Variants in TIGD4 observed in about 807,000 individuals in gnomAD.
The protein encoded by TIGD4 is tigger transposable element-derived protein 4.
In TIGD4, 20 loss-of-function variants were observed where a neutral mutation model predicts 24.9. The ratio of observed to expected loss-of-function variants is 0.80; its 90% CI spans 0.56 to 1.17. The LOEUF (loss-of-function observed/expected upper bound fraction) is 1.17. Among genes scored for constraint, TIGD4 ranks in the 50% most tolerant of loss-of-function variants. TIGD4 has a pLI of 0.00. For synonymous variants in TIGD4, 193 were observed against 211.0 expected, an observed-to-expected ratio of 0.91 and a Z score of 0.74; for missense variants, 566 against 591.0, an observed-to-expected ratio of 0.96 and a Z score of 0.44.
At chr4:152,775,072 C>G (rs1006866846) in intron 1 of TIGD4, among the ~76,000 whole-genome samples, 1 of 152,046 alleles carries the variant, frequency 6.6e-6, no homozygotes, top group South Asian at 2.1e-4. Context: ...TGTGCCACCA[C>G]GTCTGGCTAA....
chr4:152,778,137 C>A (rs367668806), intron 1 of TIGD4, among the ~76,000 whole-genome samples: 29 of 152,194 alleles, frequency 1.9e-4, no homozygotes, highest in African/African-American at 6.5e-4. Context: ...CAAACTAAAG[C>A]AAGTCTTCAC....
rs1238845163 is a variant in TIGD4 at position 152,771,545 on chromosome 4, G to A, written c.-538-3C>T. 1 of 164,292 alleles carries A rather than the reference G, an allele frequency of 6.1e-6. No homozygotes were observed. Among genetic ancestry groups the A allele is most frequent in the African/African-American group, 2.4e-5 (1 of 41,384 alleles). 10.2% of individuals were successfully genotyped at this position (164,292 alleles called of 1,614,324 possible). A position where few individuals can be genotyped will look rare whatever the true frequency, so the allele number is the denominator to read the frequency against. On this transcript the variant is annotated splice_polypyrimidine_tract_variant and splice_region_variant and intron_variant, in intron 1 of 1. Coordinates refer to ENST00000304337, the MANE Select transcript of TIGD4 (RefSeq NM_145720.4). ...AGAACTTGCCAGTATATCTTCTTCT[G>A]TTGTTTGAAAAATTAAAAAAAAAGC...
At chr4:152,778,534 A>G (rs1730306356) in intron 1 of TIGD4, among the ~76,000 whole-genome samples, 1 of 152,246 alleles carries the variant, frequency 6.6e-6, no homozygotes, top group South Asian at 2.1e-4. Context: ...TTGAAGTTAC[A>G]GTTTGAGTGG....
chr4:152,774,001 TTTTC>T (rs537604331), intron 1 of TIGD4, among the ~76,000 whole-genome samples: 61 of 152,048 alleles, frequency 4.0e-4, no homozygotes, highest in Non-Finnish European at 6.6e-4. Flanking sequence ...TTCCTTCCTC[TTTTC>T]TTTCCTTCCC....
In TIGD4 at chr4:152,769,853, C is replaced by T; in HGVS notation, c.1152G>A (p.Lys384=). The change falls in exon 2 of 2, where the codon AAG becomes AAA. Residue 384 remains lysine (K), a synonymous_variant. Coordinates refer to ENST00000304337, the MANE Select transcript of TIGD4 (RefSeq NM_145720.4). ...SYEEAGFKSQ[K]GESDITNAEK... ...CTGCATTTGTTATGTCACTTTCTCC[C>T]TTTTGAGATTTGAATCCTGCCTCTT... The T allele has an allele frequency of 1.2e-6, 2 of 1,613,034 alleles. No homozygotes were observed. Among genetic ancestry groups the T allele is most frequent in the South Asian group, 1.1e-5 (1 of 90,952 alleles).
intron 1 of TIGD4, among the ~76,000 whole-genome samples, chr4:152,775,388 G>T (rs758716648): frequency 1.3e-5 from 2 of 152,086 alleles, no homozygotes; most frequent in Non-Finnish European, 2.9e-5. Flanking sequence ...GGCTCAACTG[G>T]GTCCTCTGTT....
At position 152,770,602 on chromosome 4, in the gene TIGD4, G is replaced by A. The variant is rs780128881; in HGVS notation, c.403C>T (p.Arg135Cys). Reference sequence around the variant, plus strand: ...ACTAAACCATACCTGGATTTAAAACGATCCAGCCAACCATTACTGCACTTA... The same window carrying A: ...ACTAAACCATACCTGGATTTAAAACAATCCAGCCAACCATTACTGCACTTA... ...DFKCSNGWLD[R>C]FKSRYGLVFR... Residue 135 changes from arginine (R) to cysteine (C), a missense_variant, in exon 2 of 2, where the codon CGT becomes TGT. Physicochemically the swap from Arg to Cys is radical, Grantham distance 180. Coordinates refer to ENST00000304337, the MANE Select transcript of TIGD4 (RefSeq NM_145720.4). 8.7e-6 allele frequency: 14 copies of A among 1,606,172 alleles called. No individual in the cohort carries two copies. The East Asian group carries it at 1.1e-4, about 13-fold the overall frequency.
At chr4:152,777,727 T>C (rs575102276) in intron 1 of TIGD4, among the ~76,000 whole-genome samples, 111 of 151,826 alleles carry the variant, frequency 7.3e-4, no homozygotes, top group African/African-American at 2.6e-3. Flanking sequence ...AGAAAACAAG[T>C]CTCCTCTAAG....
chr4:152,771,637 T>C (rs1730178231), intron 1 of TIGD4, 95 bp from the exon 2 acceptor site: 1 of 152,704 alleles, frequency 6.5e-6, no homozygotes, highest in Admixed American at 6.5e-5. Flanking sequence ...TTCTTAATAA[T>C]GAAAATAATA....
At chr4:152,778,216 C>T (rs904912593) in intron 1 of TIGD4, among the ~76,000 whole-genome samples, 3 of 152,126 alleles carry the variant, frequency 2.0e-5, no homozygotes, top group African/African-American at 7.2e-5. Flanking sequence ...TCAAGCTAAG[C>T]ATCTCCAAAC....
Position 152,771,091 on chromosome 4 carries a change from A to G in TIGD4, c.-87T>C. ...AAATTTGTTTTCCAGTATAATATAG[A>G]TTGCTGCTTTCTATCCTACTTTATA... On this transcript the variant is annotated 5_prime_UTR_variant, in exon 2 of 2. Coordinates refer to ENST00000304337, the MANE Select transcript of TIGD4 (RefSeq NM_145720.4). 2.1e-6 allele frequency: 3 copies of G among 1,428,820 alleles called. No homozygotes were observed. In the South Asian group the frequency reaches 5.1e-5, roughly 24 times the overall value. 88.5% of individuals were successfully genotyped at this position (1,428,820 alleles called of 1,614,324 possible).
At position 152,771,044 on chromosome 4, in the gene TIGD4, C is replaced by T. The variant is rs749717327; in HGVS notation, c.-40G>A. ...ATGTAGAGATTACTCTTCTTAACTT[C>T]CTGGTGACTGTTTCTTTAATTAAAT... On this transcript the variant is annotated 5_prime_UTR_variant, in exon 2 of 2. Transcript: ENST00000304337. 13 of 1,540,056 alleles carry T rather than the reference C, an allele frequency of 8.4e-6. No individual in the cohort carries two copies. Among genetic ancestry groups the T allele is most frequent in the South Asian group, 2.6e-5 (2 of 77,574 alleles).
intron 1 of TIGD4, among the ~76,000 whole-genome samples, chr4:152,772,536 G>A (rs1561085505): frequency 6.6e-6 from 1 of 152,142 alleles, no homozygotes. Context: ...AAAGCACGTA[G>A]CACAGTATTT....
At chr4:152,778,986 T>C (rs1730323810) in intron 1 of TIGD4, among the ~76,000 whole-genome samples, 1 of 152,166 alleles carries the variant, frequency 6.6e-6, no homozygotes, top group South Asian at 2.1e-4. Flanking sequence ...CGAAGGGATA[T>C]TCTGTGATGG....
rs1170583553 is a variant in TIGD4, at chr4:152,770,499, T to C, written c.506A>G (p.Tyr169Cys). ...STVWYQNVLP[Y>C]YLNDYHPKNV... The stretch of plus-strand genomic sequence containing the variant: ...TTTAGGATGATAATCATTTAAATAA[T>C]AAGGAAGTACATTTTGGTACCAGAC... The change falls in exon 2 of 2, where the codon TAT (tyrosine) becomes TGT (cysteine). Residue 169 changes from tyrosine (Y) to cysteine (C), a missense_variant. Tyr to Cys is a radical substitution (Grantham distance 194). Transcript: ENST00000304337. The C allele has an allele frequency of 1.9e-6, 3 of 1,611,582 alleles. No individual in the cohort carries two copies. Among genetic ancestry groups the C allele is most frequent in the Non-Finnish European group, 2.5e-6 (3 of 1,178,960 alleles).
intron 1 of TIGD4, among the ~76,000 whole-genome samples, chr4:152,773,085 TCC>T (rs1730205051): frequency 6.6e-6 from 1 of 152,186 alleles, no homozygotes; most frequent in African/African-American, 2.4e-5. Context: ...ACCTCTACTT[TCC>T]CAAGTCAGCA....
At chr4:152,776,616 T>A (rs142311750) in intron 1 of TIGD4, among the ~76,000 whole-genome samples, 8 of 152,308 alleles carry the variant, frequency 5.3e-5, no homozygotes, top group African/African-American at 1.9e-4. Context: ...ATAGCAACTA[T>A]ATCCACTTAA....
Position 152,769,439 on chromosome 4 carries a change from A to T in TIGD4, c.*27T>A. On this transcript the variant is annotated 3_prime_UTR_variant, in exon 2 of 2. Transcript: ENST00000304337. The stretch of plus-strand genomic sequence containing the variant: ...ATAATAAAATGTATCAGGAAAAGCT[A>T]TTACTCTTTAGATGTACAATACATA... 1.4e-6 allele frequency: 2 copies of T among 1,408,920 alleles called. No individual in the cohort carries two copies. The highest frequency in any genetic ancestry group is 1.9e-6 in the Non-Finnish European group (2 of 1,046,970). 87.3% of individuals were successfully genotyped at this position (1,408,920 alleles called of 1,614,324 possible).
intron 1 of TIGD4, among the ~76,000 whole-genome samples, chr4:152,776,319 T>C (rs1283401335): frequency 6.6e-6 from 1 of 152,230 alleles, no homozygotes; most frequent in Non-Finnish European, 1.5e-5. Context: ...AAATGAATTA[T>C]AAATAAGTTC....
Sources: allele counts gnomAD v4.1 joint callset (sites outside exome capture counted in the v4.1 genomes callset), GRCh38; gene constraint gnomAD v4.1.1; transcripts MANE v1.5; gene names NCBI Gene and HGNC (gene_info 2026-07-23, HGNC 2026-07-21).